BLMH: variants seen among roughly 807,000 people sequenced by gnomAD.
BLMH encodes the protein BLM hydrolase.
BLMH carries 32 observed loss-of-function variants against 61.6 expected under a neutral mutation model. The observed-to-expected ratio is 0.52, with a 90% confidence interval of 0.39 to 0.70. The LOEUF (loss-of-function observed/expected upper bound fraction) is 0.70. Ranked by LOEUF, BLMH falls within the 30% of genes least tolerant of loss-of-function variation. BLMH has a pLI of 0.00. For synonymous variants in BLMH, 183 were observed against 193.8 expected (o/e 0.94, Z 0.46); for missense variants, 460 against 555.5 (o/e 0.83, Z 1.73).
intron 9 of BLMH, chr17:30,272,326 C>A: frequency 1.8e-6 from 1 of 549,100 alleles, no homozygotes; most frequent in Non-Finnish European, 3.2e-6. Flanking sequence ...TTTAGGAACG[C>A]CCAACGATTT....
At position 30,291,267 on chromosome 17, in the gene BLMH, G is replaced by C. The variant is rs369706410; in HGVS notation, c.211+44C>G. ...AAATAAGACACCAAAATGGGACGCT[G>C]TCAGGAAGGTCAAGGAACGTATGGG... On this transcript the variant is annotated intron_variant, in intron 2 of 11. Coordinates refer to ENST00000261714, the MANE Select transcript of BLMH (RefSeq NM_000386.4). 186 of 1,583,748 alleles carry C rather than the reference G, an allele frequency of 1.2e-4. 1 individual carries two copies. In the African/African-American group the frequency reaches 2.2e-3, roughly 19 times the overall value.
chr17:30,255,618 G>T (rs951213509), intron 11 of BLMH, among the ~76,000 whole-genome samples: 1 of 152,122 alleles, frequency 6.6e-6, no homozygotes, highest in Non-Finnish European at 1.5e-5. Context: ...ACAAGGTCTC[G>T]CCAGGCACGG....
intron 11 of BLMH, among the ~76,000 whole-genome samples, chr17:30,257,073 G>T (rs112699332): frequency 1.6e-4 from 24 of 152,264 alleles, no homozygotes; most frequent in African/African-American, 5.3e-4. Flanking sequence ...TCATTTCTGG[G>T]ACTTCATCCT....
At chr17:30,250,407 T>A (rs567698931) in intron 11 of BLMH, 1 of 151,740 alleles carries the variant, frequency 6.6e-6, no homozygotes, top group African/African-American at 2.4e-5. Flanking sequence ...AAAAACCAAA[T>A]AATCCCATCA....
chr17:30,287,254 T>A (rs562419908), intron 4 of BLMH, among the ~76,000 whole-genome samples: 1 of 152,182 alleles, frequency 6.6e-6, no homozygotes, highest in East Asian at 1.9e-4. Context: ...ACTGAGCTCC[T>A]GGGCTTGAGC....
chr17:30,269,214 G>A (rs1165724323), intron 10 of BLMH, among the ~76,000 whole-genome samples: 1 of 128,752 alleles, frequency 7.8e-6, no homozygotes, highest in Non-Finnish European at 1.6e-5. Flanking sequence ...GTCTTGCTCT[G>A]TCACCCAGGC....
intron 10 of BLMH, among the ~76,000 whole-genome samples, chr17:30,268,754 C>T (rs1022155532): frequency 1.3e-5 from 2 of 151,502 alleles, no homozygotes; most frequent in African/African-American, 4.8e-5. Context: ...AACAAATTCT[C>T]GGCTGGGCAC....
intron 6 of BLMH, among the ~76,000 whole-genome samples, chr17:30,278,661 C>A (rs1026810929): frequency 6.6e-6 from 1 of 152,078 alleles, no homozygotes; most frequent in African/African-American, 2.4e-5. Flanking sequence ...TTAACGAACA[C>A]GTGACTTTTT....
intron 5 of BLMH, 82 bp from the exon 6 acceptor site, chr17:30,285,562 T>C: frequency 1.8e-6 from 2 of 1,121,794 alleles, no homozygotes; most frequent in South Asian, 3.2e-5. Context: ...GCAAGTTCTA[T>C]TTTGAGGTAT....
chr17:30,274,420 G>A (rs1387128976), intron 6 of BLMH, among the ~76,000 whole-genome samples: 1 of 152,156 alleles, frequency 6.6e-6, no homozygotes, highest in African/African-American at 2.4e-5. Context: ...TGAACAATGC[G>A]ATTCTGAAAT....
Position 30,289,381 on chromosome 17 carries a change from A to G in BLMH, c.313T>C (p.Trp105Arg), listed in dbSNP as rs1302303192. Reference sequence around the variant, plus strand: ...CCAGATCTGTCCCATACCTTGTCCCAAAAAAACAGGTAAGATTGGCTAAAC... The same window carrying G: ...CCAGATCTGTCCCATACCTTGTCCCGAAAAAACAGGTAAGATTGGCTAAAC... ...FEFSQSYLFF[W>R]DKVERCYFFL... Residue 105 changes from tryptophan to arginine, a missense_variant, in exon 3 of 12, where the codon TGG becomes CGG. Trp to Arg is a moderately radical substitution (Grantham distance 101, BLOSUM62 -3). This residue lies in a region of BLMH where 43 missense variants were observed against 38.8 expected (regional missense o/e 1.11). Transcript: ENST00000261714. 3.1e-6 allele frequency: 5 copies of G among 1,591,306 alleles called. No homozygotes were observed. The highest frequency in any genetic ancestry group is 4.3e-6 in the Non-Finnish European group (5 of 1,162,708).
chr17:30,274,053 T>C lies in BLMH; in HGVS notation c.790A>G (p.Met264Val), dbSNP rs1212531895. The C allele has an allele frequency of 1.2e-6, 2 of 1,614,162 alleles. No individual in the cohort carries two copies. The highest frequency in any genetic ancestry group is 1.1e-5 in the South Asian group (1 of 91,072). Residue 264 changes from methionine (M) to valine (V), a missense_variant, in exon 7 of 12, where the codon ATG (methionine) becomes GTG (valine). This residue lies in a region of BLMH where 310 missense variants were observed against 371.1 expected (regional missense o/e 0.84). Coordinates refer to ENST00000261714, the MANE Select transcript of BLMH (RefSeq NM_000386.4). ...YREHVKPLFN[M>V]EDKICLVNDP... Reference sequence around the variant, plus strand: ...TGCCATTCACCAACCTTATCTTCCATATTGAAGAGTGGCTTGACATGTTCC... The same window carrying C: ...TGCCATTCACCAACCTTATCTTCCACATTGAAGAGTGGCTTGACATGTTCC...
At chr17:30,275,576 C>T (rs975515135) in intron 6 of BLMH, among the ~76,000 whole-genome samples, 1 of 151,804 alleles carries the variant, frequency 6.6e-6, no homozygotes, top group Non-Finnish European at 1.5e-5. Flanking sequence ...ATCCCAGCTA[C>T]TCGGGAGGCT....
intron 11 of BLMH, among the ~76,000 whole-genome samples, chr17:30,261,681 C>A (rs547603685): frequency 6.6e-6 from 1 of 152,298 alleles, no homozygotes; most frequent in Admixed American, 6.5e-5. Flanking sequence ...CCTGGTTCTA[C>A]AACATAGCAT....
intron 6 of BLMH, among the ~76,000 whole-genome samples, chr17:30,283,339 T>C (rs1181931779): frequency 1.3e-5 from 2 of 152,260 alleles, no homozygotes; most frequent in African/African-American, 2.4e-5. Flanking sequence ...CCCTAATTCT[T>C]ACCAGCCAAT....
Position 30,271,299 on chromosome 17 carries a change from G to C in BLMH, c.1118C>G (p.Ala373Gly). The C allele has an allele frequency of 6.2e-7, 1 of 1,613,872 alleles. No individual in the cohort carries two copies. Among genetic ancestry groups the C allele is most frequent in the Non-Finnish European group, 8.5e-7 (1 of 1,179,762 alleles). The change falls in exon 10 of 12, where the codon GCC (alanine) becomes GGC (glycine). Residue 373 changes from alanine (A) to glycine (G), a missense_variant. Physicochemically the swap from Ala to Gly is moderately conservative, Grantham distance 60 (BLOSUM62 0). Coordinates refer to ENST00000261714, the MANE Select transcript of BLMH (RefSeq NM_000386.4). ...LTFGESLMTH[A>G]MTFTAVSEKD... ...CTCTGAGACAGCAGTGAAGGTCATG[G>C]CGTGGGTCATAAGTGACTCACCAAA...
At chr17:30,272,216 G>A (rs1048457290) in intron 9 of BLMH, 1 of 271,514 alleles carries the variant, frequency 3.7e-6, no homozygotes, top group Non-Finnish European at 7.0e-6. Context: ...TAGCAAACGG[G>A]GGCTCTGGAA....
chr17:30,263,512 T>G (rs2129785), intron 11 of BLMH, among the ~76,000 whole-genome samples: 7 of 152,202 alleles, frequency 4.6e-5, no homozygotes, highest in Admixed American at 1.3e-4. Flanking sequence ...GAAACCCAGG[T>G]TGGTATTACA....
intron 10 of BLMH, among the ~76,000 whole-genome samples, chr17:30,270,577 C>G (rs996107377): frequency 4.6e-5 from 7 of 151,618 alleles, no homozygotes; most frequent in African/African-American, 1.7e-4. Flanking sequence ...AGGAATTAGG[C>G]TAGAAAGAAT....
Sources: gnomAD v4.1 joint callset for allele counts (sites outside exome capture counted in the v4.1 genomes callset) on GRCh38, gnomAD v4.1.1 for gene constraint, gnomAD v4.1.1 regional missense constraint, MANE v1.5 for transcripts, NCBI Gene and HGNC (gene_info 2026-07-23, HGNC 2026-07-21) for gene names.